NTN4: variants seen among roughly 807,000 people sequenced by gnomAD.
The protein encoded by NTN4 is netrin-4.
Under a neutral mutation model 73.6 loss-of-function variants are expected in NTN4, and 32 were observed. The ratio of observed to expected loss-of-function variants is 0.44; its 90% CI spans 0.33 to 0.58. The LOEUF (loss-of-function observed/expected upper bound fraction) is 0.58, where lower values mean the gene tolerates loss of function less well. Ranked by LOEUF, NTN4 falls within the 20% of genes least tolerant of loss-of-function variation. The pLI, the probability that NTN4 is intolerant of heterozygous loss-of-function variation, is 0.04. For missense variants in NTN4, 654 were observed against 798.3 expected (o/e 0.82, Z 2.18); for synonymous variants, 258 against 287.5 (o/e 0.90, Z 1.04).
At chr12:95,663,198 A>G (rs1387015583) in intron 9 of NTN4, among the ~76,000 whole-genome samples, 35 of 152,224 alleles carry the variant, frequency 2.3e-4, no homozygotes, top group Non-Finnish European at 2.9e-5. Flanking sequence ...TTGAAACTAC[A>G]AATAGAATAA....
chr12:95,780,614 C>G (rs1349600466), intron 2 of NTN4, among the ~76,000 whole-genome samples: 1 of 151,814 alleles, frequency 6.6e-6, no homozygotes, highest in Non-Finnish European at 1.5e-5. Flanking sequence ...CCATCTCACA[C>G]CAGTTAGAAT....
Position 95,731,174 on chromosome 12 carries a change from G to C in NTN4, c.864+6692C>G, listed in dbSNP as rs143458046. Among the ~76,000 whole-genome samples, 462 of 152,288 alleles carry C rather than the reference G, an allele frequency of 3.0e-3. 2 individuals carry two copies. Among genetic ancestry groups the C allele is most frequent in the African/African-American group, 0.011 (438 of 41,560 alleles). Reference sequence around the variant, plus strand: ...ATTTCTGGTGACATTGAAATGTAGAGGACTTGGATAGTTTACCTATCCTTG... The same window carrying C: ...ATTTCTGGTGACATTGAAATGTAGACGACTTGGATAGTTTACCTATCCTTG... On this transcript the variant is annotated intron_variant, in intron 3 of 9. Transcript: ENST00000343702.
chr12:95,696,462 T>C (rs1022339176), intron 5 of NTN4, among the ~76,000 whole-genome samples: 2 of 152,160 alleles, frequency 1.3e-5, no homozygotes, highest in African/African-American at 4.8e-5. Context: ...ATTTTTCACC[T>C]CACTGCCGTC....
intron 7 of NTN4, among the ~76,000 whole-genome samples, chr12:95,675,798 C>T (rs1388586700): frequency 6.6e-6 from 1 of 151,954 alleles, no homozygotes; most frequent in Admixed American, 6.6e-5. Context: ...GTTAATAGGA[C>T]AAAAAAGAGA....
rs542431196 is a variant in NTN4 at position 95,790,334 on chromosome 12, G to A, written c.-25C>T. ...TGGCCGGGAGGAGCCGGGAGCAGCC[G>A]GGCCGGGCGGGTGCCGGAGGGAGCC... On this transcript the variant is annotated 5_prime_UTR_variant, in exon 1 of 10. Transcript: ENST00000343702. The surrounding 1 kb of genome is among the most constrained non-coding windows in gnomAD (Gnocchi z 6.5). 2 of 1,519,564 alleles carry A rather than the reference G, an allele frequency of 1.3e-6. No individual in the cohort carries two copies. Among genetic ancestry groups the A allele is most frequent in the Admixed American group, 2.1e-5 (1 of 48,698 alleles). 94.1% of individuals were successfully genotyped at this position (1,519,564 alleles called of 1,614,324 possible).
chr12:95,756,940 T>C (rs2078951237), intron 2 of NTN4, among the ~76,000 whole-genome samples: 1 of 152,122 alleles, frequency 6.6e-6, no homozygotes, highest in Non-Finnish European at 1.5e-5. Flanking sequence ...TTAGATGTCA[T>C]CTTTGATGTA....
At chr12:95,780,755 G>C (rs1016954756) in intron 2 of NTN4, among the ~76,000 whole-genome samples, 1 of 152,292 alleles carries the variant, frequency 6.6e-6, no homozygotes, top group African/African-American at 2.4e-5. Context: ...ATTCCTCAGG[G>C]ATCTAGAACT....
At chr12:95,722,836 A>T (rs11108213) in intron 3 of NTN4, among the ~76,000 whole-genome samples, 14,174 of 151,562 alleles carry the variant, frequency 0.094, 916 homozygotes, top group Non-Finnish European at 0.14. Context: ...TTAGCTGGGC[A>T]TGGTGGTGTG....
intron 3 of NTN4, among the ~76,000 whole-genome samples, chr12:95,722,541 C>G (rs2078656056): frequency 6.6e-6 from 1 of 152,104 alleles, no homozygotes; most frequent in African/African-American, 2.4e-5. Context: ...TTGAGGATCC[C>G]TTGAGCCTGG....
Position 95,659,022 on chromosome 12 carries a change from T to G in NTN4, c.*64A>C, listed in dbSNP as rs2078114639. On this transcript the variant is annotated 3_prime_UTR_variant, in exon 10 of 10. Transcript: ENST00000343702. ...AAATTCCAGTTTCCTGTCTGAGGTC[T>G]TCTTGCTCTAAAGTTTGTGTTTTGT... The G allele has an allele frequency of 1.3e-6, 2 of 1,492,326 alleles. No individual in the cohort carries two copies. Among genetic ancestry groups the G allele is most frequent in the East Asian group, 2.3e-5 (1 of 43,328 alleles). 92.4% of individuals were successfully genotyped at this position (1,492,326 alleles called of 1,614,324 possible).
At chr12:95,675,403 G>A (rs1387423074) in intron 7 of NTN4, among the ~76,000 whole-genome samples, 1 of 152,168 alleles carries the variant, frequency 6.6e-6, no homozygotes, top group African/African-American at 2.4e-5. Flanking sequence ...TTGATGGGTG[G>A]ATAGAATTTA....
intron 3 of NTN4, among the ~76,000 whole-genome samples, chr12:95,725,390 G>T (rs543123320): frequency 6.6e-6 from 1 of 152,168 alleles, no homozygotes; most frequent in East Asian, 1.9e-4. Context: ...ATGCTGTAAG[G>T]ATTATTAAGT....
chr12:95,686,841 G>C (rs1009405423), intron 5 of NTN4, among the ~76,000 whole-genome samples: 2 of 152,134 alleles, frequency 1.3e-5, no homozygotes, highest in Non-Finnish European at 2.9e-5. Flanking sequence ...ACTTTCCCCA[G>C]TGCATCTTTT....
At chr12:95,764,975 G>A (rs1268988772) in intron 2 of NTN4, among the ~76,000 whole-genome samples, 1 of 151,880 alleles carries the variant, frequency 6.6e-6, no homozygotes, top group Non-Finnish European at 1.5e-5. Flanking sequence ...CCAGAGGAGG[G>A]CTAGAAATCT....
In NTN4 at chr12:95,659,052, A is replaced by G; in HGVS notation, c.*34T>C. The stretch of plus-strand genomic sequence containing the variant: ...GCTCTAAAGTTTGTGTTTTGTACAT[A>G]GACAAGTGCCATTATGTGCTATCCA... On this transcript the variant is annotated 3_prime_UTR_variant, in exon 10 of 10. Transcript: ENST00000343702. 1 of 1,576,608 alleles carries G rather than the reference A, an allele frequency of 6.3e-7. No individual in the cohort carries two copies. The highest frequency in any genetic ancestry group is 8.6e-7 in the Non-Finnish European group (1 of 1,166,174).
At chr12:95,736,629 C>T (rs7137835) in intron 3 of NTN4, among the ~76,000 whole-genome samples, 72,046 of 151,952 alleles carry the variant, frequency 0.47, 17,314 homozygotes, top group East Asian at 0.7. Flanking sequence ...ATCATAGCAC[C>T]CTTTATTTGA....
intron 3 of NTN4, among the ~76,000 whole-genome samples, chr12:95,714,434 C>T (rs4077227): frequency 0.18 from 27,276 of 151,542 alleles, 2,689 homozygotes; most frequent in Non-Finnish European, 0.23. Context: ...ATAAAGGTAA[C>T]AAATTATATC....
At chr12:95,695,929 T>C (rs1443256501) in intron 5 of NTN4, among the ~76,000 whole-genome samples, 1 of 147,104 alleles carries the variant, frequency 6.8e-6, no homozygotes, top group Non-Finnish European at 1.5e-5. Context: ...CCTCCCTCTT[T>C]TCTTTTCTCT....
chr12:95,682,701 T>C lies in NTN4; in HGVS notation c.1510+6A>G. On this transcript the variant is annotated splice_donor_region_variant and intron_variant, in intron 7 of 9. Transcript: ENST00000343702. ...AAAATATGATGCCTGGTTACATCCATCTCACCTGAGTGTAGAAGTGCAGAA... is the reference window on the plus strand; with the variant it reads ...AAAATATGATGCCTGGTTACATCCACCTCACCTGAGTGTAGAAGTGCAGAA... The C allele has an allele frequency of 6.3e-7, 1 of 1,592,580 alleles. No homozygotes were observed. Among genetic ancestry groups the C allele is most frequent in the East Asian group, 2.2e-5 (1 of 44,728 alleles).
Sources: allele counts gnomAD v4.1 joint callset (sites outside exome capture counted in the v4.1 genomes callset), GRCh38; gene constraint gnomAD v4.1.1; non-coding constraint Gnocchi (gnomAD v3.1); transcripts MANE v1.5; gene names NCBI Gene and HGNC (gene_info 2026-07-23, HGNC 2026-07-21).